Variants in FMN1 observed in about 807,000 individuals in gnomAD.
The protein encoded by FMN1 is formin 1, also known as formin-1.
A neutral mutation model predicts 132.4 loss-of-function variants in FMN1; 110 were observed. The ratio of observed to expected loss-of-function variants is 0.83; its 90% CI spans 0.71 to 0.97. The LOEUF (loss-of-function observed/expected upper bound fraction) is 0.97. Among genes scored for constraint, FMN1 ranks in the 50% least tolerant of loss-of-function variants. The pLI is 0.00. For synonymous variants in FMN1, 722 were observed against 651.7 expected (o/e 1.11, Z -1.64); for missense variants, 1,792 against 1,705.3 (o/e 1.05, Z -0.90).
chr15:32,879,930 A>C (rs912530499), intron 16 of FMN1, among the ~76,000 whole-genome samples: 8 of 152,214 alleles, frequency 5.3e-5, no homozygotes, highest in Middle Eastern at 3.4e-3. Flanking sequence ...GCACTTTAAG[A>C]ACAGCAGTCC....
chr15:33,183,808 A>C (rs1194448599), intron 2 of FMN1, among the ~76,000 whole-genome samples: 2 of 152,184 alleles, frequency 1.3e-5, no homozygotes, highest in Non-Finnish European at 2.9e-5. Flanking sequence ...ATAATAACAC[A>C]TCTAATACTC....
At chr15:33,183,734 T>C (rs573449689) in intron 2 of FMN1, among the ~76,000 whole-genome samples, 9 of 152,300 alleles carry the variant, frequency 5.9e-5, no homozygotes, top group East Asian at 1.9e-4. Flanking sequence ...ATAGAGTTAC[T>C]ACTAAATAAC....
At chr15:33,053,000 C>T (rs2141186059) in intron 6 of FMN1, among the ~76,000 whole-genome samples, 1 of 152,202 alleles carries the variant, frequency 6.6e-6, no homozygotes, top group Non-Finnish European at 1.5e-5. Context: ...GGGATCATCC[C>T]CCACTCCCCA....
chr15:33,161,983 A>G (rs2140302133), intron 3 of FMN1, among the ~76,000 whole-genome samples: 1 of 149,784 alleles, frequency 6.7e-6, no homozygotes, highest in East Asian at 2.0e-4. Flanking sequence ...TCTTCTTTCC[A>G]TGGAGTTTTT....
chr15:33,034,450 G>A (rs568689200), intron 6 of FMN1, among the ~76,000 whole-genome samples: 9 of 152,144 alleles, frequency 5.9e-5, no homozygotes, highest in South Asian at 4.1e-4. Flanking sequence ...AGTGTCATGC[G>A]CCTGTAGTCC....
chr15:32,917,901 A>G (rs347948), intron 10 of FMN1, among the ~76,000 whole-genome samples: 2,388 of 152,326 alleles, frequency 0.016, 57 homozygotes, highest in African/African-American at 0.055. Context: ...AAGCACATAC[A>G]GCCCATGTTA....
intron 19 of FMN1, among the ~76,000 whole-genome samples, chr15:32,794,729 A>G (rs539822136): frequency 4.9e-4 from 74 of 152,358 alleles, no homozygotes; most frequent in African/African-American, 1.8e-3. Context: ...GAATGTTTGG[A>G]TATCATGAGG....
intron 16 of FMN1, among the ~76,000 whole-genome samples, chr15:32,871,898 AAAAC>A (rs2059524479): frequency 6.6e-6 from 1 of 152,198 alleles, no homozygotes; most frequent in African/African-American, 2.4e-5. Flanking sequence ...TCTGGAATGG[AAAAC>A]AGTAAGAGGA....
chr15:32,857,315 A>G (rs1027086709), intron 16 of FMN1, among the ~76,000 whole-genome samples: 2 of 151,984 alleles, frequency 1.3e-5, no homozygotes, highest in African/African-American at 2.4e-5. Flanking sequence ...ATTCTACACC[A>G]CTCTTGAGGA....
chr15:33,154,243 C>G lies in FMN1; in HGVS notation c.672G>C (p.Gly224=). 1 of 1,536,176 alleles carries G rather than the reference C, an allele frequency of 6.5e-7. No individual in the cohort carries two copies. Among genetic ancestry groups the G allele is most frequent in the Non-Finnish European group, 8.7e-7 (1 of 1,146,940 alleles). ...TCCTCTGCAGGGAGCAGGCAAGTGC[C>G]CCATTCGGGAGCAGATTTCCTTTCT... ...LEEKGNLLPN[G]ALACSLQRRE... The change falls in exon 4 of 21, where the codon GGG becomes GGC. Residue 224 remains glycine (G), a synonymous_variant. Transcript: ENST00000616417.
chr15:33,148,346 G>A (rs1197914453), intron 4 of FMN1, among the ~76,000 whole-genome samples: 1 of 152,150 alleles, frequency 6.6e-6, no homozygotes, highest in African/African-American at 2.4e-5. Context: ...AGGGTTAGAA[G>A]CAACAGTATT....
chr15:32,819,795 C>CA (rs1384218660), intron 17 of FMN1, among the ~76,000 whole-genome samples: 1 of 152,058 alleles, frequency 6.6e-6, no homozygotes, highest in African/African-American at 2.4e-5. Flanking sequence ...AAATGACTCA[C>CA]AGTCATGTAT....
Position 32,790,590 on chromosome 15 carries a change from T to C in FMN1, c.4130+8214A>G, listed in dbSNP as rs142407029. ...AATGACCTCCAGGTGACTTGGGAGA[T>C]CTGCCAGGTTTGGGAGCTGCTGATC... On this transcript the variant is annotated intron_variant, in intron 19 of 20. Transcript: ENST00000616417. Among the ~76,000 whole-genome samples the C allele has an allele frequency of 1.1e-4, 16 of 152,340 alleles. No homozygotes were observed. In the East Asian group the frequency reaches 2.7e-3, roughly 26 times the overall value.
chr15:33,174,588 AT>A, intron 3 of FMN1, among the ~76,000 whole-genome samples: 1 of 152,246 alleles, frequency 6.6e-6, no homozygotes, highest in Non-Finnish European at 1.5e-5. Context: ...AATCATCAAC[AT>A]TTTTTTGATT....
Position 32,984,915 on chromosome 15 carries a change from T to G in FMN1, c.2224-15438A>C, listed in dbSNP as rs117927962. Among the ~76,000 whole-genome samples, 173 of 149,802 alleles carry G rather than the reference T, an allele frequency of 1.2e-3. 1 individual carries two copies. Among genetic ancestry groups the G allele is most frequent in the Admixed American group, 6.7e-3 (100 of 15,032 alleles). On this transcript the variant is annotated intron_variant, in intron 7 of 20. Coordinates refer to ENST00000616417, the MANE Select transcript of FMN1 (RefSeq NM_001277313.2). Reference sequence around the variant, plus strand: ...TAACATATTTATTGATACGTAGGTCTTCTTTCACCCCTACCTAAAAAAGTG... The same window carrying G: ...TAACATATTTATTGATACGTAGGTCGTCTTTCACCCCTACCTAAAAAAGTG...
At chr15:32,942,670 C>A (rs548229230) in intron 9 of FMN1, among the ~76,000 whole-genome samples, 5 of 152,184 alleles carry the variant, frequency 3.3e-5, no homozygotes, top group African/African-American at 1.2e-4. Context: ...TATACCAGAT[C>A]GAGTGCATAT....
intron 7 of FMN1, among the ~76,000 whole-genome samples, chr15:32,994,232 T>TCTCTCTCTCTCTCTCTCTCTCTCTCACA (rs904998781): frequency 2.7e-4 from 10 of 37,264 alleles, no homozygotes; most frequent in South Asian, 1.1e-3. Flanking sequence ...TCTCTCTCTC[T>TCTCTCTCTCTCTCTCTCTCTCTCTCACA]CACACACACA....
chr15:32,785,068 T>C (rs1214292127), intron 19 of FMN1, among the ~76,000 whole-genome samples: 1 of 151,266 alleles, frequency 6.6e-6, no homozygotes, highest in Non-Finnish European at 1.5e-5. Context: ...ATTCAACGTA[T>C]CTGTGTGAAC....
intron 16 of FMN1, among the ~76,000 whole-genome samples, chr15:32,879,718 T>C (rs1437723536): frequency 6.6e-6 from 1 of 152,118 alleles, no homozygotes; most frequent in African/African-American, 2.4e-5. Flanking sequence ...GCAAAGTGCA[T>C]GGTTTATCAT....
Sources: allele counts gnomAD v4.1 joint callset (sites outside exome capture counted in the v4.1 genomes callset), GRCh38; gene constraint gnomAD v4.1.1; transcripts MANE v1.5; gene names NCBI Gene and HGNC (gene_info 2026-07-23, HGNC 2026-07-21).